Variants in ZNF280C observed in about 807,000 individuals in gnomAD.
ZNF280C encodes the protein suppressor of hairy wing homolog 3.
Under a neutral mutation model 53.6 loss-of-function variants are expected in ZNF280C, and 14 were observed. The observed-to-expected ratio is 0.26, with a 90% CI of 0.17 to 0.41. The LOEUF (loss-of-function observed/expected upper bound fraction) is 0.41, where lower values mean the gene tolerates loss of function less well. Ranked by LOEUF, ZNF280C falls within the 10% of genes least tolerant of loss-of-function variation. The probability of loss-of-function intolerance (pLI) is 1.00; values close to 1 mark genes in which losing one functional copy is unlikely to be tolerated. For synonymous variants in ZNF280C, 203 were observed against 181.1 expected, an observed-to-expected ratio of 1.12 and a Z score of -0.97; for missense variants, 416 against 547.1, an observed-to-expected ratio of 0.76 and a Z score of 2.39.
At chrX:130,216,688 G>T (rs943677260) in intron 13 of ZNF280C, among the ~76,000 whole-genome samples, 1 of 112,134 alleles carries the variant, frequency 8.9e-6, no homozygotes, top group African/African-American at 3.2e-5. Flanking sequence ...ATGCACAACA[G>T]TGTAGTTACA....
At position 130,236,237 on chromosome X, in the gene ZNF280C, C is replaced by T. The variant is rs766451707; in HGVS notation, c.748G>A (p.Asp250Asn). The T allele has an allele frequency of 3.3e-6, 4 of 1,198,775 alleles. No homozygotes were observed. Among genetic ancestry groups the T allele is most frequent in the Non-Finnish European group, 4.5e-6 (4 of 889,569 alleles). The change falls in exon 8 of 19, where the codon GAT (aspartate) becomes AAT (asparagine). Residue 250 changes from aspartate (D) to asparagine (N), a missense_variant. By Grantham distance (23) the Asp-to-Asn change is conservative (BLOSUM62 1). This residue lies in a region of ZNF280C where 193 missense variants were observed against 201.4 expected (regional missense o/e 0.96). Coordinates refer to ENST00000370978, the MANE Select transcript of ZNF280C (RefSeq NM_017666.5). ...PKCNVQFNLL[D>N]PLKYHMKHCC... ...ACCTTCATGTGGTATTTCAAAGGAT[C>T]CAAAAGATTGAACTGAACATTGCAC... is the stretch of plus-strand genomic sequence containing the variant.
At chrX:130,205,020 A>T (rs767187750) in intron 18 of ZNF280C, 28 bp from the exon 19 acceptor site, 19 of 1,017,282 alleles carry the variant, frequency 1.9e-5, no homozygotes, top group Non-Finnish European at 2.4e-5. Flanking sequence ...AAAAACTTTA[A>T]TATTTTTCAT....
chrX:130,240,005 A>AT (rs1264953872), intron 5 of ZNF280C, among the ~76,000 whole-genome samples: 1 of 111,712 alleles, frequency 9.0e-6, no homozygotes, highest in Admixed American at 9.6e-5. Context: ...AGCAGTATCT[A>AT]TATCAAGGGC....
At chrX:130,208,765 G>A (rs1308279174) in intron 16 of ZNF280C, among the ~76,000 whole-genome samples, 1 of 107,191 alleles carries the variant, frequency 9.3e-6, no homozygotes, top group East Asian at 2.9e-4. Context: ...GTGCAATCTC[G>A]GCTCACTGCA....
rs142039817 is a variant in ZNF280C, at chrX:130,265,475, G to T, written c.-17+3287C>A. On this transcript the variant is annotated intron_variant, in intron 1 of 18. Transcript: ENST00000370978. ...CCAATCTGTATAGTAAATATTTTAT[G>T]TAAGTTTCATAAGATATTCTATAAT... Among the ~76,000 whole-genome samples, 843 of 112,396 alleles carry T rather than the reference G, an allele frequency of 7.5e-3. 8 individuals are homozygous for T. The highest frequency in any genetic ancestry group is 0.026 in the African/African-American group (813 of 30,941).
At chrX:130,262,589 T>C (rs2032642634) in intron 1 of ZNF280C, among the ~76,000 whole-genome samples, 1 of 111,813 alleles carries the variant, frequency 8.9e-6, no homozygotes, top group Non-Finnish European at 1.9e-5. Context: ...CCAGCAAAGA[T>C]ATGCAGTGGG....
intron 12 of ZNF280C, 69 bp downstream of exon 12, chrX:130,226,690 G>A: frequency 9.5e-7 from 1 of 1,055,667 alleles, no homozygotes; most frequent in Admixed American, 2.8e-5. Flanking sequence ...TGTAGCTATA[G>A]ATCTATACAT....
At chrX:130,211,206 T>C (rs1431575019) in intron 15 of ZNF280C, among the ~76,000 whole-genome samples, 4 of 111,985 alleles carry the variant, frequency 3.6e-5, no homozygotes, top group African/African-American at 1.3e-4. Flanking sequence ...AAAGAGGTAA[T>C]AGAGACACAT....
At chrX:130,260,031 C>T (rs1268396822) in intron 2 of ZNF280C, among the ~76,000 whole-genome samples, 2 of 111,030 alleles carry the variant, frequency 1.8e-5, no homozygotes, top group African/African-American at 6.6e-5. Context: ...GCCTGTAATC[C>T]CAGCACTTTG....
intron 6 of ZNF280C, among the ~76,000 whole-genome samples, 174 bp from the exon 7 acceptor site, chrX:130,236,813 T>C (rs1386814273): frequency 1.8e-5 from 2 of 111,294 alleles, no homozygotes; most frequent in South Asian, 7.3e-4. Context: ...CAATAAAGAA[T>C]GATTAAAATT....
chrX:130,230,936 A>G (rs1330073817), intron 8 of ZNF280C, among the ~76,000 whole-genome samples: 1 of 111,957 alleles, frequency 8.9e-6, no homozygotes, highest in Non-Finnish European at 1.9e-5. Context: ...TAAAGGAATA[A>G]CTTCAAAAAC....
intron 12 of ZNF280C, among the ~76,000 whole-genome samples, chrX:130,223,887 A>AT (rs1176515216): frequency 8.9e-6 from 1 of 112,215 alleles, no homozygotes; most frequent in Non-Finnish European, 1.9e-5. Context: ...TAAGCTTATA[A>AT]TATTGGTCAG....
chrX:130,263,973 C>A (rs1212200856), intron 1 of ZNF280C, among the ~76,000 whole-genome samples: 1 of 98,006 alleles, frequency 1.0e-5, no homozygotes, highest in African/African-American at 3.9e-5. Context: ...TGCAGTGAGC[C>A]GAGATTGCAC....
At chrX:130,233,324 T>TA (rs2032297447) in intron 8 of ZNF280C, among the ~76,000 whole-genome samples, 1 of 111,513 alleles carries the variant, frequency 9.0e-6, no homozygotes, top group African/African-American at 3.3e-5. Flanking sequence ...ATTACATACT[T>TA]AAAAAAATTT....
chrX:130,262,702 C>T (rs1167202935), intron 1 of ZNF280C, among the ~76,000 whole-genome samples: 2 of 111,738 alleles, frequency 1.8e-5, no homozygotes, highest in Non-Finnish European at 3.8e-5. Flanking sequence ...CCCCATATTT[C>T]AGCTACCGAT....
chrX:130,265,843 A>AC (rs1281005960), intron 1 of ZNF280C, among the ~76,000 whole-genome samples: 1 of 112,511 alleles, frequency 8.9e-6, no homozygotes, highest in African/African-American at 3.2e-5. Context: ...CTGAAGTCAT[A>AC]CCGTTAAGTT....
Position 130,216,045 on chromosome X carries a change from G to A in ZNF280C, c.1584C>T (p.Phe528=), listed in dbSNP as rs142814594. Residue 528 remains phenylalanine (F), a synonymous_variant, in exon 14 of 19, where the codon TTC becomes TTT. Coordinates refer to ENST00000370978, the MANE Select transcript of ZNF280C (RefSeq NM_017666.5). ...PLQSKLPTAP[F]GCAPGTSFLQ... Reference sequence around the variant, plus strand: ...GAAAAGAAGTGCCTGGAGCGCAACCGAAAGGTGCAGTTGGTAATTTTGACT... The same window carrying A: ...GAAAAGAAGTGCCTGGAGCGCAACCAAAAGGTGCAGTTGGTAATTTTGACT... 65 of 1,209,682 alleles carry A rather than the reference G, an allele frequency of 5.4e-5. No homozygotes were observed. The highest frequency in any genetic ancestry group is 2.3e-4 in the Middle Eastern group (1 of 4,353).
chrX:130,213,702 T>C (rs1160019230), intron 15 of ZNF280C, among the ~76,000 whole-genome samples: 1 of 111,185 alleles, frequency 9.0e-6, no homozygotes, highest in Non-Finnish European at 1.9e-5. Context: ...AAAATAAGTA[T>C]TGTCTACAAT....
chrX:130,268,850 G>T lies in ZNF280C; in HGVS notation c.-105C>A, dbSNP rs1489396415. The T allele has an allele frequency of 8.9e-6, 1 of 112,562 alleles. No individual in the cohort carries two copies. The highest frequency in any genetic ancestry group is 1.9e-5 in the Non-Finnish European group (1 of 53,375). The allele number at this position is 112,562 out of a possible 1,213,427, so 9.3% of individuals were successfully genotyped here. On this transcript the variant is annotated 5_prime_UTR_variant, in exon 1 of 19. Coordinates refer to ENST00000370978, the MANE Select transcript of ZNF280C (RefSeq NM_017666.5). ...AAGGGAGGAGCGCGAAAAACCTCAG[G>T]CGACAGCCTCAGCAACAGCGACTCC...
Sources: gnomAD v4.1 joint callset for allele counts (sites outside exome capture counted in the v4.1 genomes callset) on GRCh38, gnomAD v4.1.1 for gene constraint, gnomAD v4.1.1 regional missense constraint, MANE v1.5 for transcripts, NCBI Gene and HGNC (gene_info 2026-07-23, HGNC 2026-07-21) for gene names.